Variants in USP10 observed in about 807,000 individuals in gnomAD.
USP10 encodes the protein ubiquitin specific peptidase 10.
Under a neutral mutation model 84.5 loss-of-function variants are expected in USP10, and 22 were observed. The ratio of observed to expected loss-of-function variants is 0.26; its 90% CI spans 0.19 to 0.37. USP10 has a LOEUF of 0.37. Ranked by LOEUF, USP10 falls within the 10% of genes least tolerant of loss-of-function variation. The pLI is 1.00. For missense variants in USP10, 1,019 were observed against 998.9 expected, an observed-to-expected ratio of 1.02 and a Z score of -0.27; for synonymous variants, 454 against 387.6, an observed-to-expected ratio of 1.17 and a Z score of -2.01.
chr16:84,755,046 T>A (rs771737836), intron 4 of USP10, among the ~76,000 whole-genome samples: 3 of 151,674 alleles, frequency 2.0e-5, no homozygotes, highest in Admixed American at 2.0e-4. Flanking sequence ...CAGTTCTTGA[T>A]GGCTGTGCAA....
At chr16:84,713,976 C>T (rs901142858) in intron 1 of USP10, among the ~76,000 whole-genome samples, 6 of 152,178 alleles carry the variant, frequency 3.9e-5, no homozygotes, top group East Asian at 1.9e-4. Context: ...TGGATGGGTG[C>T]GTCTTGTAGG....
Position 84,745,397 on chromosome 16 carries a change from A to G in USP10, c.916A>G (p.Thr306Ala). Reference protein sequence around the residue: ...GTATNGVELHTTESIDLDPTK... With the variant: ...GTATNGVELHATESIDLDPTK... ...AGCTACCAACGGGGTGGAGTTGCAC[A>G]CCACGGAAAGCATAGACTTGGACCC... The change falls in exon 4 of 14, where the codon ACC becomes GCC. Residue 306 changes from threonine to alanine, a missense_variant. Around this residue, in one of 2 missense-constraint regions of USP10, gnomAD observed 787 missense variants for 708.8 expected, o/e 1.11. Coordinates refer to ENST00000219473, the MANE Select transcript of USP10 (RefSeq NM_005153.3). The G allele has an allele frequency of 6.2e-7, 1 of 1,613,570 alleles. No individual in the cohort carries two copies. The highest frequency in any genetic ancestry group is 8.5e-7 in the Non-Finnish European group (1 of 1,179,712).
intron 1 of USP10, among the ~76,000 whole-genome samples, chr16:84,719,600 C>T (rs1479392896): frequency 6.6e-6 from 1 of 152,164 alleles, no homozygotes; most frequent in East Asian, 1.9e-4. Context: ...TGAGTACCAC[C>T]GCGGATTGGT....
rs777865769 is a variant in USP10 at position 84,700,047 on chromosome 16, G to T, written c.-44G>T. On this transcript the variant is annotated 5_prime_UTR_variant, in exon 1 of 14. Transcript: ENST00000219473. ...AGATGGCGGCGGCGGGGGAAGCAGC[G>T]TGAGCAGCCGGAGGATCGCGGAGTC... 1.5e-6 allele frequency: 2 copies of T among 1,356,984 alleles called. No individual in the cohort carries two copies. Among genetic ancestry groups the T allele is most frequent in the Non-Finnish European group, 1.9e-6 (2 of 1,032,926 alleles). 84.1% of individuals were successfully genotyped at this position (1,356,984 alleles called of 1,614,324 possible).
chr16:84,734,375 A>C (rs931510623), intron 2 of USP10, among the ~76,000 whole-genome samples: 1 of 152,200 alleles, frequency 6.6e-6, no homozygotes, highest in African/African-American at 2.4e-5. Context: ...CAGATTACAA[A>C]CAGCTGGGTA....
rs571633923 is a variant in USP10, at chr16:84,770,766, C to T, written c.1999-1775C>T. ...CGGCCTGGGCGACAGAGCGAGACTC[C>T]GTCCCCAAAAAAAAAAAAAAAAAAT... On this transcript the variant is annotated intron_variant, in intron 11 of 13. Transcript: ENST00000219473. Among the ~76,000 whole-genome samples the T allele has an allele frequency of 6.8e-3, 580 of 85,912 alleles. 9 individuals carry two copies. Among genetic ancestry groups the T allele is most frequent in the African/African-American group, 0.021 (542 of 26,218 alleles). The allele number at this position is 85,912 out of a possible 152,430, so 56.4% of individuals were successfully genotyped here.
rs200571986 is a variant in USP10, at chr16:84,745,639, G to A, written c.1158G>A (p.Pro386=). The A allele has an allele frequency of 4.0e-5, 64 of 1,612,800 alleles. 2 individuals are homozygous for A. In the Middle Eastern group the frequency reaches 4.0e-3, roughly 100 times the overall value. Residue 386 remains proline, a synonymous_variant, in exon 4 of 14, where the codon CCG becomes CCA. Transcript: ENST00000219473. The stretch of plus-strand genomic sequence containing the variant: ...TTGAAGTCAAAGAAGGGCTTGTTCC[G>A]GTTTCAGAGGATCCTGTAGCCATAA... The part of the protein sequence containing the change: ...KQVEVKEGLV[P]VSEDPVAIKI...
chr16:84,719,556 T>C (rs1907515663), intron 1 of USP10, among the ~76,000 whole-genome samples: 1 of 152,234 alleles, frequency 6.6e-6, no homozygotes, highest in Non-Finnish European at 1.5e-5. Flanking sequence ...CTTAGGCCTT[T>C]GTCCAATATG....
chr16:84,772,636 G>C lies in USP10; in HGVS notation c.2094G>C (p.Gln698His), dbSNP rs13335256. ...RFVYEKTGGC[Q>H]KLIKNIEYPV... ...TTTATGAGAAGACTGGTGGGTGCCAGAAGCTTATCAAAAATATTGAATATC... is the reference window on the plus strand; with the variant it reads ...TTTATGAGAAGACTGGTGGGTGCCACAAGCTTATCAAAAATATTGAATATC... Residue 698 changes from glutamine (Q) to histidine (H), a missense_variant, in exon 12 of 14, where the codon CAG becomes CAC. Around this residue, in one of 2 missense-constraint regions of USP10, gnomAD observed 232 missense variants for 290.1 expected, o/e 0.80. Transcript: ENST00000219473. The C allele has an allele frequency of 1.2e-6, 2 of 1,614,030 alleles. No individual in the cohort carries two copies. The highest frequency in any genetic ancestry group is 1.7e-6 in the Non-Finnish European group (2 of 1,179,900).
At chr16:84,710,110 A>C (rs1906079593) in intron 1 of USP10, among the ~76,000 whole-genome samples, 1 of 152,100 alleles carries the variant, frequency 6.6e-6, no homozygotes, top group Non-Finnish European at 1.5e-5. Context: ...TCTCTACTAA[A>C]AATACAAAAA....
chr16:84,777,647 C>G (rs1359904820), intron 13 of USP10, among the ~76,000 whole-genome samples: 1 of 152,122 alleles, frequency 6.6e-6, no homozygotes, highest in African/African-American at 2.4e-5. Flanking sequence ...GCCCAGGAGT[C>G]TGACTGGTGG....
At chr16:84,747,469 G>A (rs16974508) in intron 4 of USP10, among the ~76,000 whole-genome samples, 30,001 of 150,066 alleles carry the variant, frequency 0.2, 3,591 homozygotes, top group East Asian at 0.38. Context: ...AGGTACTCTT[G>A]TTGTTCTGAA....
chr16:84,774,438 T>C (rs1914767051), intron 12 of USP10, among the ~76,000 whole-genome samples: 1 of 152,056 alleles, frequency 6.6e-6, no homozygotes, highest in East Asian at 1.9e-4. Flanking sequence ...TTTGGAGAAA[T>C]CATGTTACTG....
chr16:84,733,476 C>A lies in USP10; in HGVS notation c.63C>A (p.Phe21Leu). ...TTAGCCCTGATGAATTCAATCAATTCTTTGTGACTCCTCGATCTTCAGTTG... is the reference window on the plus strand; with the variant it reads ...TTAGCCCTGATGAATTCAATCAATTATTTGTGACTCCTCGATCTTCAGTTG... The part of the protein sequence containing the change: ...GDFSPDEFNQ[F>L]FVTPRSSVEL... Residue 21 changes from phenylalanine (F) to leucine (L), a missense_variant, in exon 2 of 14, where the codon TTC (phenylalanine) becomes TTA (leucine). Phe to Leu is a conservative substitution (Grantham distance 22). Transcript: ENST00000219473. 6.2e-7 allele frequency: 1 copy of A among 1,609,686 alleles called. No homozygotes were observed. Among genetic ancestry groups the A allele is most frequent in the East Asian group, 2.2e-5 (1 of 44,696 alleles).
intron 1 of USP10, among the ~76,000 whole-genome samples, chr16:84,706,827 A>C (rs906285322): frequency 2.6e-5 from 4 of 152,056 alleles, no homozygotes; most frequent in Non-Finnish European, 4.4e-5. Flanking sequence ...GGCGTGAGCC[A>C]CCGCGCCGGG....
At chr16:84,736,671 C>G (rs536241501) in intron 2 of USP10, among the ~76,000 whole-genome samples, 3 of 152,300 alleles carry the variant, frequency 2.0e-5, no homozygotes, top group African/African-American at 2.4e-5. Flanking sequence ...TAGCACACAT[C>G]CCAACCATGA....
At chr16:84,745,905 G>A (rs576434887) in intron 4 of USP10, among the ~76,000 whole-genome samples, 23 of 152,366 alleles carry the variant, frequency 1.5e-4, no homozygotes, top group African/African-American at 5.5e-4. Flanking sequence ...TCTGTTAGCA[G>A]TTCTTTTCTG....
At chr16:84,775,360 G>A (rs989567261) in intron 13 of USP10, 135 bp downstream of exon 13, 5 of 807,024 alleles carry the variant, frequency 6.2e-6, no homozygotes, top group African/African-American at 5.1e-5. Context: ...TGTGAGTCGG[G>A]GAGTCACGTG....
At chr16:84,715,875 C>T (rs986054004) in intron 1 of USP10, among the ~76,000 whole-genome samples, 1 of 152,166 alleles carries the variant, frequency 6.6e-6, no homozygotes, top group African/African-American at 2.4e-5. Context: ...TAGTTTCCCC[C>T]ACGATGGCGG....
Sources: gnomAD v4.1 joint callset for allele counts (sites outside exome capture counted in the v4.1 genomes callset) on GRCh38, gnomAD v4.1.1 for gene constraint, gnomAD v4.1.1 regional missense constraint, MANE v1.5 for transcripts, NCBI Gene and HGNC (gene_info 2026-07-23, HGNC 2026-07-21) for gene names.